The following TMEM45A variants were observed in gnomAD, a reference collection of about 807,000 sequenced individuals.
TMEM45A encodes transmembrane protein 45A.
A neutral mutation model predicts 32.0 loss-of-function variants in TMEM45A; 25 were observed. The ratio of observed to expected loss-of-function variants is 0.78; its 90% CI spans 0.57 to 1.09. The LOEUF (loss-of-function observed/expected upper bound fraction) is 1.09. Among genes scored for constraint, TMEM45A ranks in the 50% least tolerant of loss-of-function variants. TMEM45A has a pLI of 0.00. For synonymous variants in TMEM45A, 122 were observed against 114.8 expected (o/e 1.06, Z -0.40); for missense variants, 302 against 325.0 (o/e 0.93, Z 0.54).
At chr3:100,517,536 T>C (rs904684351) in intron 1 of TMEM45A, among the ~76,000 whole-genome samples, 3 of 152,242 alleles carry the variant, frequency 2.0e-5, no homozygotes, top group Admixed American at 6.5e-5. Flanking sequence ...TTCCATGTGT[T>C]AGTTAACAAA....
intron 1 of TMEM45A, among the ~76,000 whole-genome samples, chr3:100,501,411 A>T (rs1401369957): frequency 6.6e-6 from 1 of 152,202 alleles, no homozygotes. Context: ...GTTGAGAACC[A>T]TGGATCTAGT....
intron 4 of TMEM45A, among the ~76,000 whole-genome samples, chr3:100,558,960 G>T (rs1349323823): frequency 2.0e-5 from 3 of 152,128 alleles, no homozygotes; most frequent in Admixed American, 6.5e-5. Context: ...ACTATGTGTT[G>T]GCTACTGTAC....
intron 1 of TMEM45A, among the ~76,000 whole-genome samples, chr3:100,552,859 G>A (rs1706137008): frequency 6.6e-6 from 1 of 152,180 alleles, no homozygotes; most frequent in African/African-American, 2.4e-5. Context: ...TGCTTTCAAG[G>A]AGTTTATTCT....
chr3:100,528,382 G>C (rs1705587147), intron 1 of TMEM45A, among the ~76,000 whole-genome samples: 1 of 152,112 alleles, frequency 6.6e-6, no homozygotes, highest in South Asian at 2.1e-4. Context: ...TTATTCTCTT[G>C]GTTCATTTTC....
At chr3:100,560,081 G>A (rs6807804) in intron 4 of TMEM45A, among the ~76,000 whole-genome samples, 64,017 of 151,768 alleles carry the variant, frequency 0.42, 13,660 homozygotes, top group Middle Eastern at 0.48. Context: ...AGGCTTTTGG[G>A]ACTCTTTGAT....
chr3:100,521,689 C>G (rs1443171820), intron 1 of TMEM45A, among the ~76,000 whole-genome samples: 1 of 152,174 alleles, frequency 6.6e-6, no homozygotes, highest in African/African-American at 2.4e-5. Flanking sequence ...GTTGTGTTGG[C>G]CTTTTTCTGC....
intron 1 of TMEM45A, among the ~76,000 whole-genome samples, chr3:100,498,445 G>A (rs1159966307): frequency 6.6e-6 from 1 of 152,200 alleles, no homozygotes; most frequent in African/African-American, 2.4e-5. Flanking sequence ...CCTCCAGCCT[G>A]CCTTTGAACT....
At chr3:100,541,722 G>C (rs1443380842) in intron 1 of TMEM45A, among the ~76,000 whole-genome samples, 2 of 151,788 alleles carry the variant, frequency 1.3e-5, no homozygotes, top group Non-Finnish European at 2.9e-5. Flanking sequence ...GTAGAGACAG[G>C]GTTTTGCCAT....
At chr3:100,542,748 A>T (rs1040242708) in intron 1 of TMEM45A, among the ~76,000 whole-genome samples, 1 of 152,224 alleles carries the variant, frequency 6.6e-6, no homozygotes, top group African/African-American at 2.4e-5. Context: ...ACATGGTTGC[A>T]GCTGGACCCA....
chr3:100,510,842 C>T (rs1414257539), intron 1 of TMEM45A, among the ~76,000 whole-genome samples: 5 of 152,132 alleles, frequency 3.3e-5, no homozygotes, highest in Non-Finnish European at 7.4e-5. Flanking sequence ...GCCTCAGGAG[C>T]TGATGCGATC....
chr3:100,535,203 G>A (rs978230316), intron 1 of TMEM45A, among the ~76,000 whole-genome samples: 12 of 151,370 alleles, frequency 7.9e-5, no homozygotes, highest in East Asian at 5.8e-4. Flanking sequence ...TCACTACAAC[G>A]TCCGCTTCCC....
intron 1 of TMEM45A, among the ~76,000 whole-genome samples, chr3:100,514,516 A>G (rs1175234181): frequency 6.6e-6 from 1 of 151,992 alleles, no homozygotes; most frequent in African/African-American, 2.4e-5. Flanking sequence ...CTAAAACCAT[A>G]AAAACCCTAG....
intron 1 of TMEM45A, among the ~76,000 whole-genome samples, chr3:100,532,971 A>G (rs1217231835): frequency 1.3e-5 from 2 of 152,134 alleles, no homozygotes; most frequent in African/African-American, 2.4e-5. Flanking sequence ...CTGTGACAAC[A>G]CTATTGTGAG....
At chr3:100,511,663 A>G (rs1221386371) in intron 1 of TMEM45A, among the ~76,000 whole-genome samples, 1 of 150,514 alleles carries the variant, frequency 6.6e-6, no homozygotes, top group Non-Finnish European at 1.5e-5. Context: ...GCTCCAATTA[A>G]AAGACACAGA....
At chr3:100,548,922 A>G (rs1261284306) in intron 1 of TMEM45A, among the ~76,000 whole-genome samples, 1 of 152,098 alleles carries the variant, frequency 6.6e-6, no homozygotes, top group East Asian at 1.9e-4. Context: ...CCCTGTGGCG[A>G]TCTCTTTCTT....
intron 5 of TMEM45A, among the ~76,000 whole-genome samples, chr3:100,575,605 C>T (rs112157249): frequency 0.093 from 14,214 of 152,158 alleles, 2,202 homozygotes; most frequent in African/African-American, 0.32. Flanking sequence ...CTCTTGACCA[C>T]AGGCGATCTG....
chr3:100,494,806 C>G (rs1707898813), intron 1 of TMEM45A, among the ~76,000 whole-genome samples: 1 of 152,240 alleles, frequency 6.6e-6, no homozygotes, highest in Non-Finnish European at 1.5e-5. Flanking sequence ...CAGTAACTTA[C>G]CTAGGGCAAG....
intron 1 of TMEM45A, among the ~76,000 whole-genome samples, chr3:100,544,111 A>T (rs1195356216): frequency 1.3e-5 from 2 of 150,610 alleles, no homozygotes; most frequent in Non-Finnish European, 3.0e-5. Context: ...AGGTAGATTT[A>T]TTTTTTTTGC....
At chr3:100,531,656 G>C (rs989219240) in intron 1 of TMEM45A, among the ~76,000 whole-genome samples, 1 of 152,112 alleles carries the variant, frequency 6.6e-6, no homozygotes, top group Admixed American at 6.5e-5. Context: ...TTAAGGAAGA[G>C]AGAAGATGGG....
Sources: gnomAD v4.1 joint callset for allele counts (sites outside exome capture counted in the v4.1 genomes callset) on GRCh38, gnomAD v4.1.1 for gene constraint, MANE v1.5 for transcripts, NCBI Gene and HGNC (gene_info 2026-07-23, HGNC 2026-07-21) for gene names.